The following ATP10B variants were observed in gnomAD, a reference collection of about 807,000 sequenced individuals.
The protein encoded by ATP10B is ATPase phospholipid transporting 10B (putative).
In ATP10B, 122 loss-of-function variants were observed where a neutral mutation model predicts 141.2. That is an observed-to-expected ratio of 0.86 (90% CI 0.75 to 1.00). ATP10B has a LOEUF of 1.00. ATP10B is among the 50% of genes least tolerant of loss of function. The pLI is 0.00. For synonymous variants in ATP10B, 685 were observed against 692.0 expected (o/e 0.99, Z 0.16); for missense variants, 1,876 against 1,825.3 (o/e 1.03, Z -0.51).
chr5:160,734,383 A>T (rs890679230), intron 2 of ATP10B, among the ~76,000 whole-genome samples: 24 of 152,228 alleles, frequency 1.6e-4, no homozygotes, highest in Non-Finnish European at 3.2e-4. Flanking sequence ...GTGCCTATTT[A>T]AAACATTACC....
chr5:160,716,965 A>G lies in ATP10B; in HGVS notation c.-261T>C. 2 of 985,388 alleles carry G rather than the reference A, an allele frequency of 2.0e-6. No individual in the cohort carries two copies. The highest frequency in any genetic ancestry group is 9.4e-5 in the South Asian group (2 of 21,290). The allele number at this position is 985,388 out of a possible 1,614,324, so 61.0% of individuals were successfully genotyped here. A position where few individuals can be genotyped will look rare whatever the true frequency, so the allele number is the denominator to read the frequency against. On this transcript the variant is annotated 5_prime_UTR_variant, in exon 3 of 26. Coordinates refer to ENST00000327245, the MANE Select transcript of ATP10B (RefSeq NM_025153.3). ...CCAGTGACCTTTGCTGTGCCCCTAC[A>G]GCCACAGGAAGAGGGGGCAGATGTA... is the stretch of plus-strand genomic sequence containing the variant.
the ATP10B span, among the ~76,000 whole-genome samples, chr5:160,868,513 T>G: frequency 7.7e-6 from 1 of 129,848 alleles, no homozygotes; most frequent in African/African-American, 2.9e-5. Context: ...CTAAGGCATA[T>G]GAACAGATAC....
chr5:160,563,133 A>G lies in ATP10B; in HGVS notation c.*2320T>C, dbSNP rs1754341205. On this transcript the variant is annotated 3_prime_UTR_variant, in exon 26 of 26. Coordinates refer to ENST00000327245, the MANE Select transcript of ATP10B (RefSeq NM_025153.3). The stretch of plus-strand genomic sequence containing the variant: ...TGTGAACTTAGGTTGGCAGGCAACT[A>G]TGGAAAACCATGTTTATTTTTAATA... 6.6e-6 allele frequency: 1 copy of G among 152,258 alleles called. No individual in the cohort carries two copies. The highest frequency in any genetic ancestry group is 6.5e-5 in the Admixed American group (1 of 15,286). The allele number at this position is 152,258 out of a possible 1,614,324, so 9.4% of individuals were successfully genotyped here.
intron 13 of ATP10B, among the ~76,000 whole-genome samples, chr5:160,624,586 G>A (rs1561664620): frequency 6.6e-6 from 1 of 152,202 alleles, no homozygotes; most frequent in Non-Finnish European, 1.5e-5. Context: ...AAAATCCTGA[G>A]AAGGGCACAC....
chr5:160,718,147 T>C (rs1225039501), intron 2 of ATP10B, among the ~76,000 whole-genome samples: 1 of 152,346 alleles, frequency 6.6e-6, no homozygotes, highest in Admixed American at 6.5e-5. Context: ...AAAGCAGCAA[T>C]GTACTTGAGG....
At chr5:160,648,745 T>C (rs764485301) in intron 8 of ATP10B, among the ~76,000 whole-genome samples, 1 of 152,152 alleles carries the variant, frequency 6.6e-6, no homozygotes, top group Non-Finnish European at 1.5e-5. Flanking sequence ...TGAATTAATT[T>C]ACCCAAGGTC....
At chr5:160,665,153 A>G (rs539592511) in intron 7 of ATP10B, among the ~76,000 whole-genome samples, 13 of 151,702 alleles carry the variant, frequency 8.6e-5, no homozygotes, top group African/African-American at 3.1e-4. Context: ...AGTTCCAATG[A>G]AAAAAAAAGT....
chr5:160,686,971 C>T, intron 5 of ATP10B: 2 of 985,330 alleles, frequency 2.0e-6, no homozygotes, highest in Non-Finnish European at 2.4e-6. Context: ...TCAAGTTTTC[C>T]ACGTGCATCT....
intron 1 of ATP10B, among the ~76,000 whole-genome samples, chr5:160,807,316 A>G (rs1772844936): frequency 6.6e-6 from 1 of 151,942 alleles, no homozygotes; most frequent in South Asian, 2.1e-4. Flanking sequence ...ACTGTAAACC[A>G]TTTTTTTTGG....
chr5:160,762,616 T>A (rs1438422471), intron 2 of ATP10B, among the ~76,000 whole-genome samples: 1 of 151,808 alleles, frequency 6.6e-6, no homozygotes, highest in East Asian at 1.9e-4. Flanking sequence ...CCTTAAAGCA[T>A]AAGTCTCACA....
At chr5:160,910,809 A>G in the ATP10B span, among the ~76,000 whole-genome samples, 2 of 152,208 alleles carry the variant, frequency 1.3e-5, no homozygotes, top group Non-Finnish European at 2.9e-5. Context: ...CATGAATAAT[A>G]CCTGCTATTT....
chr5:160,723,945 C>T (rs1236183188), intron 2 of ATP10B, among the ~76,000 whole-genome samples: 2 of 152,260 alleles, frequency 1.3e-5, no homozygotes, highest in South Asian at 2.1e-4. Context: ...GAATACTGTG[C>T]AGCCACAAAA....
the ATP10B span, among the ~76,000 whole-genome samples, chr5:160,899,089 C>A: frequency 2.0e-5 from 3 of 152,068 alleles, no homozygotes; most frequent in African/African-American, 4.8e-5. Flanking sequence ...CACATGTATA[C>A]CTGTTTAACA....
chr5:160,692,001 T>C (rs902508778), intron 3 of ATP10B, among the ~76,000 whole-genome samples: 2 of 152,234 alleles, frequency 1.3e-5, no homozygotes, highest in Non-Finnish European at 2.9e-5. Context: ...ATGAATAGCA[T>C]TGAAAATGCA....
At chr5:160,925,349 C>T in the ATP10B span, among the ~76,000 whole-genome samples, 2 of 152,208 alleles carry the variant, frequency 1.3e-5, no homozygotes, top group African/African-American at 4.8e-5. Context: ...TATTTAAGCT[C>T]GTCATACCTA....
chr5:160,569,708 T>A (rs747910226), intron 24 of ATP10B, 25 bp from the exon 25 acceptor site: 1 of 1,512,708 alleles, frequency 6.6e-7, no homozygotes, highest in Non-Finnish European at 8.8e-7. Flanking sequence ...AAGCAAACAC[T>A]GTTGAAGGTA....
At chr5:160,909,025 G>A in the ATP10B span, among the ~76,000 whole-genome samples, 19 of 152,240 alleles carry the variant, frequency 1.2e-4, no homozygotes, top group African/African-American at 4.8e-5. Flanking sequence ...ACGGTGCGAG[G>A]CTCTGGGGAA....
the ATP10B span, among the ~76,000 whole-genome samples, chr5:160,908,825 T>C: frequency 6.6e-6 from 1 of 152,188 alleles, no homozygotes; most frequent in African/African-American, 2.4e-5. Flanking sequence ...TTGATGCTTA[T>C]TATTCCCTTA....
chr5:160,565,455 A>C lies in ATP10B; in HGVS notation c.4384T>G (p.Ter1462GlyextTer14), dbSNP rs765552649. The change falls in exon 26 of 26, where the codon TGA becomes GGA. Residue 1462 changes from the stop codon to glycine (G), a stop_lost. Coordinates refer to ENST00000327245, the MANE Select transcript of ATP10B (RefSeq NM_025153.3). ...TTTGTACAGATTTCTGCAGCTCCTC[A>C]TATGGTCAGTGAACTCTGGGATCGG... ...HRRSQSSLTI[*>G] 2 of 1,613,882 alleles carry C rather than the reference A, an allele frequency of 1.2e-6. No homozygotes were observed. Among genetic ancestry groups the C allele is most frequent in the South Asian group, 2.2e-5 (2 of 91,048 alleles).
Sources: allele counts gnomAD v4.1 joint callset (sites outside exome capture counted in the v4.1 genomes callset), GRCh38; gene constraint gnomAD v4.1.1; transcripts MANE v1.5; gene names NCBI Gene and HGNC (gene_info 2026-07-23, HGNC 2026-07-21).